Variants in ARHGEF28 observed in about 807,000 individuals in gnomAD.
ARHGEF28 encodes the protein 190 kDa guanine nucleotide exchange factor.
Under a neutral mutation model 206.6 loss-of-function variants are expected in ARHGEF28, and 152 were observed. The ratio of observed to expected loss-of-function variants is 0.74; its 90% CI spans 0.64 to 0.84. The LOEUF is 0.84. Among genes scored for constraint, ARHGEF28 ranks in the 40% least tolerant of loss-of-function variants. The pLI is 0.00. For synonymous variants in ARHGEF28, 763 were observed against 776.4 expected (o/e 0.98, Z 0.29); for missense variants, 2,028 against 2,073.2 (o/e 0.98, Z 0.42).
At chr5:73,660,109 C>A (rs992400987) in intron 1 of ARHGEF28, among the ~76,000 whole-genome samples, 10 of 152,184 alleles carry the variant, frequency 6.6e-5, no homozygotes, top group African/African-American at 2.2e-4. Context: ...TCTTTCAAAT[C>A]TGGAGTCAAT....
intron 2 of ARHGEF28, among the ~76,000 whole-genome samples, chr5:73,704,826 G>T (rs539682127): frequency 2.6e-5 from 4 of 152,262 alleles, no homozygotes; most frequent in Admixed American, 1.3e-4. Context: ...CTTTGGTTGG[G>T]ATTTGTGATT....
At chr5:73,628,964 A>T (rs1444756934) in intron 1 of ARHGEF28, among the ~76,000 whole-genome samples, 1 of 151,936 alleles carries the variant, frequency 6.6e-6, no homozygotes, top group Admixed American at 6.6e-5. Flanking sequence ...AGGCAGTGTC[A>T]CTCTACTATT....
Position 73,852,707 on chromosome 5 carries a change from T to C in ARHGEF28, c.1790+15T>C. ...AGAGAAAACAGGTACTTTTAACTAT[T>C]CCAATTTTCCTGAGGAACTGCATGA... On this transcript the variant is annotated intron_variant, in intron 14 of 35. Transcript: ENST00000513042. 4.3e-6 allele frequency: 7 copies of C among 1,612,796 alleles called. No homozygotes were observed. Among genetic ancestry groups the C allele is most frequent in the Non-Finnish European group, 5.9e-6 (7 of 1,178,848 alleles).
intron 7 of ARHGEF28, among the ~76,000 whole-genome samples, chr5:73,782,132 TAA>T (rs35157852): frequency 9.8e-5 from 14 of 143,192 alleles, no homozygotes; most frequent in Admixed American, 1.4e-4. Context: ...GCATGTTTGT[TAA>T]AAAAAAAAAA....
chr5:73,727,832 C>T (rs1310739979), intron 2 of ARHGEF28, among the ~76,000 whole-genome samples: 1 of 152,092 alleles, frequency 6.6e-6, no homozygotes, highest in Non-Finnish European at 1.5e-5. Context: ...AGGCCATGGC[C>T]AATGCAGAGG....
At chr5:73,759,307 A>G (rs1253956037) in intron 4 of ARHGEF28, among the ~76,000 whole-genome samples, 1 of 152,222 alleles carries the variant, frequency 6.6e-6, no homozygotes, top group Non-Finnish European at 1.5e-5. Flanking sequence ...ATCCAAGTAC[A>G]AGTCACAGCA....
intron 10 of ARHGEF28, 142 bp downstream of exon 10, chr5:73,832,601 G>A: frequency 8.4e-7 from 1 of 1,195,354 alleles, no homozygotes; most frequent in Non-Finnish European, 1.1e-6. Flanking sequence ...GGGTCTCATT[G>A]TATGAGCATT....
At chr5:73,707,581 A>G (rs186314075) in intron 2 of ARHGEF28, among the ~76,000 whole-genome samples, 1 of 152,186 alleles carries the variant, frequency 6.6e-6, no homozygotes, top group Non-Finnish European at 1.5e-5. Flanking sequence ...TTATTATCCT[A>G]TGTATTCTTG....
chr5:73,913,884 C>T (rs575914105), intron 35 of ARHGEF28, among the ~76,000 whole-genome samples: 3 of 152,332 alleles, frequency 2.0e-5, no homozygotes, highest in South Asian at 2.1e-4. Flanking sequence ...ATAACGTCTG[C>T]CGTTCCAGGT....
At chr5:73,819,135 A>T (rs1756415762) in intron 9 of ARHGEF28, among the ~76,000 whole-genome samples, 1 of 152,214 alleles carries the variant, frequency 6.6e-6, no homozygotes, top group Non-Finnish European at 1.5e-5. Context: ...ACAGAGTCAG[A>T]TATACAGAGA....
chr5:73,749,460 A>C (rs1423274957), intron 2 of ARHGEF28, among the ~76,000 whole-genome samples: 1 of 152,164 alleles, frequency 6.6e-6, no homozygotes, highest in African/African-American at 2.4e-5. Context: ...TGCGCAGAGG[A>C]GTTTAAGACC....
intron 2 of ARHGEF28, among the ~76,000 whole-genome samples, chr5:73,719,627 A>T (rs753504921): frequency 1.9e-4 from 29 of 152,224 alleles, no homozygotes; most frequent in Admixed American, 1.6e-3. Context: ...TTTCAGGCTG[A>T]CAAAAGAAAG....
intron 2 of ARHGEF28, among the ~76,000 whole-genome samples, chr5:73,734,250 C>T (rs1750780557): frequency 1.3e-5 from 2 of 152,208 alleles, no homozygotes; most frequent in South Asian, 4.1e-4. Context: ...TAGGGAGGGA[C>T]AGTTAAATAC....
intron 4 of ARHGEF28, among the ~76,000 whole-genome samples, chr5:73,771,705 G>A (rs1027826261): frequency 6.6e-6 from 1 of 151,842 alleles, no homozygotes; most frequent in African/African-American, 2.4e-5. Context: ...TATTTAAAAA[G>A]GAAGAAAAAT....
At chr5:73,720,813 C>T (rs889597083) in intron 2 of ARHGEF28, among the ~76,000 whole-genome samples, 15 of 152,116 alleles carry the variant, frequency 9.9e-5, no homozygotes, top group African/African-American at 3.6e-4. Flanking sequence ...CAAACAACCC[C>T]ACAACAACCT....
intron 1 of ARHGEF28, among the ~76,000 whole-genome samples, chr5:73,635,592 T>C (rs1743658341): frequency 6.6e-6 from 1 of 152,160 alleles, no homozygotes; most frequent in Non-Finnish European, 1.5e-5. Flanking sequence ...TTGGATATGG[T>C]AGTGTAGTAG....
intron 2 of ARHGEF28, among the ~76,000 whole-genome samples, chr5:73,737,159 A>AGT (rs557019308): frequency 7.2e-5 from 11 of 152,060 alleles, no homozygotes; most frequent in Non-Finnish European, 1.5e-4. Flanking sequence ...ATTTAGATGC[A>AGT]GTGTTCCTTG....
chr5:73,832,570 A>G, intron 10 of ARHGEF28, 111 bp downstream of exon 10: 1 of 1,401,420 alleles, frequency 7.1e-7, no homozygotes, highest in South Asian at 1.4e-5. Context: ...GCCTAAGAGC[A>G]GCAAAGAGGA....
intron 2 of ARHGEF28, among the ~76,000 whole-genome samples, chr5:73,699,165 G>A (rs1355332986): frequency 6.6e-6 from 1 of 151,742 alleles, no homozygotes; most frequent in African/African-American, 2.4e-5. Context: ...GTGTGTGTGT[G>A]TATGTGTGTG....
Sources: gnomAD v4.1 joint callset for allele counts (sites outside exome capture counted in the v4.1 genomes callset) on GRCh38, gnomAD v4.1.1 for gene constraint, MANE v1.5 for transcripts, NCBI Gene and HGNC (gene_info 2026-07-23, HGNC 2026-07-21) for gene names.